ATRX: variants seen among roughly 807,000 people sequenced by gnomAD.
ATRX encodes the protein chromatin remodeler ATRX.
Under a neutral mutation model 172.6 loss-of-function variants are expected in ATRX, and 12 were observed. The ratio of observed to expected loss-of-function variants is 0.07; its 90% CI spans 0.04 to 0.11. The LOEUF is 0.11. ATRX is among the 10% of genes least tolerant of loss of function. The pLI is 1.00. For missense variants in ATRX, 1,368 were observed against 1,767.4 expected, an observed-to-expected ratio of 0.77 and a Z score of 4.05; for synonymous variants, 674 against 594.7, an observed-to-expected ratio of 1.13 and a Z score of -1.94.
At chrX:77,603,595 T>C (rs1197986660) in intron 22 of ATRX, among the ~76,000 whole-genome samples, 4 of 108,379 alleles carry the variant, frequency 3.7e-5, no homozygotes, top group African/African-American at 1.3e-4. Context: ...AGGTTGGTCT[T>C]GAACTCCTGG....
At chrX:77,511,299 C>T (rs1162440481) in intron 34 of ATRX, among the ~76,000 whole-genome samples, 2 of 111,511 alleles carry the variant, frequency 1.8e-5, no homozygotes, top group African/African-American at 6.5e-5. Context: ...TCACAATATC[C>T]AACTCCCTTT....
At chrX:77,630,245 C>A (rs932753182) in intron 19 of ATRX, among the ~76,000 whole-genome samples, 12 of 111,557 alleles carry the variant, frequency 1.1e-4, no homozygotes, top group African/African-American at 3.6e-4. Context: ...AAATTAAAGA[C>A]CTAAATAAAC....
chrX:77,579,332 G>C (rs782376454), intron 27 of ATRX, among the ~76,000 whole-genome samples: 4 of 112,080 alleles, frequency 3.6e-5, no homozygotes, highest in Admixed American at 9.4e-5. Context: ...AGTGGGCCTT[G>C]GGCAAGACCC....
At chrX:77,541,324 T>A (rs782364854) in intron 30 of ATRX, among the ~76,000 whole-genome samples, 1 of 111,845 alleles carries the variant, frequency 8.9e-6, no homozygotes, top group Non-Finnish European at 1.9e-5. Flanking sequence ...AGGCAGTAAT[T>A]AATAGCCCAC....
At chrX:77,608,431 T>A (rs1381495832) in intron 22 of ATRX, among the ~76,000 whole-genome samples, 3 of 108,529 alleles carry the variant, frequency 2.8e-5, no homozygotes, top group African/African-American at 1.0e-4. Context: ...AGAAACAAGT[T>A]CACACACCTA....
chrX:77,735,392 C>T (rs959479369), intron 1 of ATRX, among the ~76,000 whole-genome samples: 3 of 111,266 alleles, frequency 2.7e-5, no homozygotes, highest in African/African-American at 6.5e-5. Context: ...GTCAGGAGAT[C>T]GAGACCATTC....
chrX:77,515,023 G>A (rs1218690226), intron 34 of ATRX, among the ~76,000 whole-genome samples: 1 of 112,084 alleles, frequency 8.9e-6, no homozygotes, highest in African/African-American at 3.2e-5. Flanking sequence ...GAACATCACT[G>A]ATCATTAGAG....
chrX:77,626,058 T>TGATGG (rs2067832088), intron 19 of ATRX, among the ~76,000 whole-genome samples: 1 of 64,210 alleles, frequency 1.6e-5, no homozygotes, highest in Non-Finnish European at 3.1e-5. Context: ...TATATATATA[T>TGATGG]ATATATATAT....
chrX:77,713,425 C>T (rs1228607174), intron 2 of ATRX, among the ~76,000 whole-genome samples: 2 of 111,018 alleles, frequency 1.8e-5, no homozygotes, highest in African/African-American at 3.3e-5. Flanking sequence ...AATCAGAACT[C>T]TTGCAAAAAA....
chrX:77,683,735 G>C lies in ATRX; in HGVS notation c.1521C>G (p.Ala507=), dbSNP rs192674093. 1.7e-6 allele frequency: 2 copies of C among 1,210,651 alleles called. No individual in the cohort carries two copies. The highest frequency in any genetic ancestry group is 2.2e-5 in the Admixed American group (1 of 45,927). The change falls in exon 9 of 35, where the codon GCC becomes GCG. Residue 507 remains alanine, a synonymous_variant. Coordinates refer to ENST00000373344, the MANE Select transcript of ATRX (RefSeq NM_000489.6). ...CCATGTCTAAATCTTCAGAAGTGTT[G>C]GCAGGTTCATATTGAGGTTCTTCTT... The part of the protein sequence containing the change: ...DRKEEPQYEP[A]NTSEDLDMDI...
chrX:77,641,538 G>A (rs1474248855), intron 15 of ATRX, among the ~76,000 whole-genome samples: 7 of 102,472 alleles, frequency 6.8e-5, no homozygotes, highest in African/African-American at 2.2e-4. Flanking sequence ...CAGAGAGATC[G>A]CACCACTGCA....
chrX:77,735,499 G>A lies in ATRX; in HGVS notation c.21-18256C>T, dbSNP rs782722379. ...CCCAGCTACTCGGGAGGCTGAGGCTGGAGAATGGCGTGAACCCGGGAGGCG... is the reference window on the plus strand; with the variant it reads ...CCCAGCTACTCGGGAGGCTGAGGCTAGAGAATGGCGTGAACCCGGGAGGCG... On this transcript the variant is annotated intron_variant, in intron 1 of 34. Transcript: ENST00000373344. Among the ~76,000 whole-genome samples, 7 of 110,640 alleles carry A rather than the reference G, an allele frequency of 6.3e-5. No individual in the cohort carries two copies. In the South Asian group the frequency reaches 2.2e-3, roughly 35 times the overall value.
At chrX:77,568,375 C>T (rs782365963) in intron 28 of ATRX, among the ~76,000 whole-genome samples, 2 of 111,185 alleles carry the variant, frequency 1.8e-5, no homozygotes, top group Non-Finnish European at 3.8e-5. Flanking sequence ...TTTGAAATTA[C>T]GATGAAATGA....
Position 77,593,725 on chromosome X carries a change from A to C in ATRX, c.6081T>G (p.Leu2027=), listed in dbSNP as rs1031503603. 9 of 1,210,965 alleles carry C rather than the reference A, an allele frequency of 7.4e-6. No individual in the cohort carries two copies. Among genetic ancestry groups the C allele is most frequent in the Non-Finnish European group, 1.0e-5 (9 of 894,758 alleles). ...TATCCCCAATTTCCTCTGCCATTCG[A>C]AGAATTTCAAAGAGAAGTACCATTT... ...SGKMVLLFEI[L]RMAEEIGDKV... Residue 2027 remains leucine (L), a synonymous_variant, in exon 26 of 35, where the codon CTT becomes CTG. Transcript: ENST00000373344.
intron 2 of ATRX, among the ~76,000 whole-genome samples, chrX:77,701,850 G>A (rs782264213): frequency 1.3e-3 from 146 of 111,721 alleles, no homozygotes; most frequent in Non-Finnish European, 2.4e-3. Flanking sequence ...TGGATCACCC[G>A]AGGTCCGGAG....
At chrX:77,763,721 A>G (rs1557194081) in intron 1 of ATRX, among the ~76,000 whole-genome samples, 1 of 106,970 alleles carries the variant, frequency 9.3e-6, no homozygotes, top group Non-Finnish European at 1.9e-5. Flanking sequence ...TACCTGCCTC[A>G]GCCTCCCAAA....
At chrX:77,629,847 TAAG>T (rs2068030807) in intron 19 of ATRX, among the ~76,000 whole-genome samples, 1 of 112,190 alleles carries the variant, frequency 8.9e-6, no homozygotes, top group Non-Finnish European at 1.9e-5. Flanking sequence ...TGGAAATTTC[TAAG>T]AAGGGCAATT....
intron 15 of ATRX, 169 bp downstream of exon 15, chrX:77,651,945 T>C: frequency 2.1e-6 from 1 of 465,562 alleles, no homozygotes; most frequent in Non-Finnish European, 3.7e-6. Flanking sequence ...AAATAAATCA[T>C]TAATAGAAAT....
At chrX:77,756,730 G>A (rs1041150907) in intron 1 of ATRX, among the ~76,000 whole-genome samples, 7 of 109,735 alleles carry the variant, frequency 6.4e-5, no homozygotes, top group Admixed American at 3.9e-4. Context: ...GAAATCCCCC[G>A]CCTTCTACAT....
Sources: gnomAD v4.1 joint callset for allele counts (sites outside exome capture counted in the v4.1 genomes callset) on GRCh38, gnomAD v4.1.1 for gene constraint, MANE v1.5 for transcripts, NCBI Gene and HGNC (gene_info 2026-07-23, HGNC 2026-07-21) for gene names.